SPAG6: variants seen among roughly 807,000 people sequenced by gnomAD.
SPAG6 encodes the protein sperm associated antigen 6.
SPAG6 carries 49 observed loss-of-function variants against 58.5 expected under a neutral mutation model. The observed-to-expected ratio is 0.84, with a 90% CI of 0.67 to 1.06. The LOEUF is 1.06. SPAG6 is among the 50% of genes least tolerant of loss of function. The probability of loss-of-function intolerance (pLI) is 0.00; values close to 1 mark genes in which losing one functional copy is unlikely to be tolerated. For missense variants in SPAG6, 560 were observed against 611.3 expected, an observed-to-expected ratio of 0.92 and a Z score of 0.89; for synonymous variants, 233 against 225.6, an observed-to-expected ratio of 1.03 and a Z score of -0.29.
rs546172800 is a variant in SPAG6, at chr10:22,411,840, C to CTTTTTTTTTTT, written c.1460+680_1460+690dup. 5.7e-3 allele frequency among the ~76,000 whole-genome samples: 384 copies of CTTTTTTTTTTT among 66,794 alleles called. 40 individuals carry two copies. Among genetic ancestry groups the CTTTTTTTTTTT allele is most frequent in the African/African-American group, 0.022 (371 of 17,148 alleles). 43.8% of individuals were successfully genotyped at this position (66,794 alleles called of 152,430 possible). ...AAGAGAATGATTTAAACAACTGAAT[C>CTTTTTTTTTTT]TTTTTTTTTTTTTTTTTTTTTTTTT... On this transcript the variant is annotated intron_variant, in intron 10 of 10. Coordinates refer to ENST00000376624, the MANE Select transcript of SPAG6 (RefSeq NM_012443.4).
chr10:22,365,046 TG>T lies in SPAG6; in HGVS notation c.288+28del, dbSNP rs776937623. ...TAAGAATTAAAAAAAACTAGTTATA[TG>T]TTTTTTTGTTTTAGATTTTTAAAAA... On this transcript the variant is annotated intron_variant, in intron 3 of 10. Transcript: ENST00000376624. 19 of 1,514,148 alleles carry T rather than the reference TG, an allele frequency of 1.3e-5. No individual in the cohort carries two copies. In the African/African-American group the frequency reaches 1.7e-4, roughly 13 times the overall value. 93.8% of individuals were successfully genotyped at this position (1,514,148 alleles called of 1,614,324 possible). A position where few individuals can be genotyped will look rare whatever the true frequency, so the allele number is the denominator to read the frequency against.
chr10:22,351,481 G>A (rs1435136157), intron 2 of SPAG6, among the ~76,000 whole-genome samples: 3 of 152,218 alleles, frequency 2.0e-5, no homozygotes, highest in African/African-American at 7.2e-5. Flanking sequence ...TGGGCTGTCA[G>A]CTGCCTGTGA....
At chr10:22,406,367 C>T (rs1040477294) in intron 9 of SPAG6, among the ~76,000 whole-genome samples, 3 of 152,082 alleles carry the variant, frequency 2.0e-5, no homozygotes, top group African/African-American at 7.2e-5. Context: ...CAAAGAACAT[C>T]TTTATTTCTG....
chr10:22,381,805 C>T (rs1833964379), intron 4 of SPAG6, among the ~76,000 whole-genome samples: 1 of 152,158 alleles, frequency 6.6e-6, no homozygotes, highest in African/African-American at 2.4e-5. Context: ...TAGTACTAAT[C>T]TTATGAATGT....
At position 22,389,304 on chromosome 10, in the gene SPAG6, A is replaced by C; in HGVS notation, c.997A>C (p.Ile333Leu). The C allele has an allele frequency of 6.2e-7, 1 of 1,611,752 alleles. No individual in the cohort carries two copies. Among genetic ancestry groups the C allele is most frequent in the Non-Finnish European group, 8.5e-7 (1 of 1,179,434 alleles). ...TGAGAACCTAGCAATGGCAGTCATC[A>C]TTTCTAAGGTTTGTTCTTGCTTCGT... ...HSENLAMAVI[I>L]SKGVPQLSVC... is the part of the protein sequence containing the mutation. Residue 333 changes from isoleucine (I) to leucine (L), a missense_variant, in exon 7 of 11, where the codon ATT becomes CTT. Ile to Leu is a conservative substitution (Grantham distance 5). Coordinates refer to ENST00000376624, the MANE Select transcript of SPAG6 (RefSeq NM_012443.4).
intron 9 of SPAG6, 48 bp downstream of exon 9, chr10:22,401,325 G>T: frequency 1.0e-6 from 1 of 997,212 alleles, no homozygotes; most frequent in Non-Finnish European, 1.6e-6. Flanking sequence ...AAAATGATTT[G>T]TTGTTATTTT....
chr10:22,356,515 C>A (rs1033493036), intron 2 of SPAG6, among the ~76,000 whole-genome samples: 4 of 152,212 alleles, frequency 2.6e-5, no homozygotes, highest in African/African-American at 9.7e-5. Context: ...TGGCCTACAG[C>A]CAAATTTGAT....
Position 22,345,670 on chromosome 10 carries a change from T to G in SPAG6, c.25+34T>G. ...GAGGCGGGCAGGTGCCCTAACTAGC[T>G]GGCGCCGAGGAGACCCGGGTGCGGT... is the stretch of plus-strand genomic sequence containing the variant. On this transcript the variant is annotated intron_variant, in intron 1 of 10. Transcript: ENST00000376624. This position sits in a 1 kb window ranked among gnomAD's most constrained non-coding sequence, Gnocchi z 6.3. The G allele has an allele frequency of 6.4e-7, 1 of 1,573,560 alleles. No homozygotes were observed. The highest frequency in any genetic ancestry group is 8.6e-7 in the Non-Finnish European group (1 of 1,160,622).
chr10:22,348,052 A>G (rs923901411), intron 2 of SPAG6, among the ~76,000 whole-genome samples: 1 of 152,094 alleles, frequency 6.6e-6, no homozygotes, highest in Admixed American at 6.5e-5. Context: ...GTGCAGTGGC[A>G]TGATCTCGGC....
chr10:22,351,173 C>G (rs146895028), intron 2 of SPAG6, among the ~76,000 whole-genome samples: 1 of 152,204 alleles, frequency 6.6e-6, no homozygotes, highest in South Asian at 2.1e-4. Flanking sequence ...TGAGGACTAT[C>G]GTGGAGTTTG....
chr10:22,360,844 T>C, intron 2 of SPAG6: 1 of 1,530,800 alleles, frequency 6.5e-7, no homozygotes, highest in Non-Finnish European at 8.8e-7. Flanking sequence ...ACCATGGATC[T>C]CTGGATACCT....
intron 2 of SPAG6, among the ~76,000 whole-genome samples, chr10:22,358,832 G>A (rs11012963): frequency 0.032 from 4,894 of 152,180 alleles, 291 homozygotes; most frequent in African/African-American, 0.11. Context: ...GATTTCTTTA[G>A]CATTTTTATT....
intron 4 of SPAG6, among the ~76,000 whole-genome samples, chr10:22,384,537 A>G (rs181457550): frequency 6.6e-6 from 1 of 152,332 alleles, no homozygotes; most frequent in Admixed American, 6.5e-5. Flanking sequence ...TAATATTAAC[A>G]TATGTTTGAA....
chr10:22,362,565 AC>A (rs1032247130), intron 2 of SPAG6, among the ~76,000 whole-genome samples: 1 of 151,580 alleles, frequency 6.6e-6, no homozygotes, highest in Non-Finnish European at 1.5e-5. Flanking sequence ...ACATAGTGAG[AC>A]CCCCATCTCT....
chr10:22,386,985 A>G (rs765514528), intron 5 of SPAG6, 26 bp downstream of exon 5: 1 of 1,540,332 alleles, frequency 6.5e-7, no homozygotes, highest in South Asian at 1.1e-5. Flanking sequence ...GTTGAAAAAT[A>G]CATCAGCCTT....
chr10:22,384,172 T>C (rs774238594), intron 4 of SPAG6, among the ~76,000 whole-genome samples: 1 of 152,212 alleles, frequency 6.6e-6, no homozygotes, highest in Non-Finnish European at 1.5e-5. Flanking sequence ...TCTTCCATTA[T>C]AGTTGCAAGA....
chr10:22,382,889 G>T (rs11012978), intron 4 of SPAG6, among the ~76,000 whole-genome samples: 24,343 of 152,122 alleles, frequency 0.16, 5,790 homozygotes, highest in African/African-American at 0.52. Flanking sequence ...AGAGAAAAAA[G>T]ATACCACCCA....
At chr10:22,367,916 G>A (rs1247491028) in intron 3 of SPAG6, among the ~76,000 whole-genome samples, 1 of 152,118 alleles carries the variant, frequency 6.6e-6, no homozygotes, top group African/African-American at 2.4e-5. Context: ...TTATTTGCCA[G>A]GAAAAGTTTT....
At chr10:22,409,319 A>AT (rs763478050) in intron 9 of SPAG6, among the ~76,000 whole-genome samples, 4 of 152,212 alleles carry the variant, frequency 2.6e-5, no homozygotes, top group Non-Finnish European at 5.9e-5. Flanking sequence ...AGAATATTAC[A>AT]TTTTTTACAA....
Sources: allele counts gnomAD v4.1 joint callset (sites outside exome capture counted in the v4.1 genomes callset), GRCh38; gene constraint gnomAD v4.1.1; non-coding constraint Gnocchi (gnomAD v3.1); transcripts MANE v1.5; gene names NCBI Gene and HGNC (gene_info 2026-07-23, HGNC 2026-07-21).